ADGRL2: variants seen among roughly 807,000 people sequenced by gnomAD.
ADGRL2 encodes adhesion G protein-coupled receptor L2.
ADGRL2 carries 44 observed loss-of-function variants against 157.4 expected under a neutral mutation model. The ratio of observed to expected loss-of-function variants is 0.28; its 90% CI spans 0.22 to 0.36. The LOEUF (loss-of-function observed/expected upper bound fraction) is 0.36. ADGRL2 is among the 10% of genes least tolerant of loss of function. ADGRL2 has a pLI of 1.00. For synonymous variants in ADGRL2, 585 were observed against 624.7 expected, an observed-to-expected ratio of 0.94 and a Z score of 0.95; for missense variants, 1,510 against 1,768.9, an observed-to-expected ratio of 0.85 and a Z score of 2.63.
At chr1:81,520,660 C>T (rs893295260) in intron 2 of ADGRL2, among the ~76,000 whole-genome samples, 3 of 152,154 alleles carry the variant, frequency 2.0e-5, no homozygotes, top group Non-Finnish European at 2.9e-5. Flanking sequence ...GTTAGAAGTA[C>T]CTGCTTCCCC....
chr1:81,844,112 T>A (rs1363553885), intron 2 of ADGRL2, among the ~76,000 whole-genome samples: 1 of 152,184 alleles, frequency 6.6e-6, no homozygotes, highest in Non-Finnish European at 1.5e-5. Flanking sequence ...AAATATTTAG[T>A]AAATAAATTT....
chr1:81,834,308 A>G (rs2092146807), intron 1 of ADGRL2, among the ~76,000 whole-genome samples: 1 of 152,010 alleles, frequency 6.6e-6, no homozygotes, highest in African/African-American at 2.4e-5. Flanking sequence ...AATTTAATAG[A>G]CCTTTTCTGG....
At chr1:81,332,227 G>A (rs1044364408) in intron 1 of ADGRL2, among the ~76,000 whole-genome samples, 1 of 152,022 alleles carries the variant, frequency 6.6e-6, no homozygotes, top group Non-Finnish European at 1.5e-5. Context: ...AATATCACAG[G>A]AGTAATCAAA....
chr1:81,790,071 C>T (rs2087258665), intron 2 of ADGRL2, among the ~76,000 whole-genome samples: 1 of 152,122 alleles, frequency 6.6e-6, no homozygotes, highest in South Asian at 2.1e-4. Context: ...CCTGTTGATT[C>T]CAATTTCTGA....
At chr1:81,355,979 G>A (rs1557623076) in intron 1 of ADGRL2, among the ~76,000 whole-genome samples, 1 of 151,990 alleles carries the variant, frequency 6.6e-6, no homozygotes, top group Admixed American at 6.6e-5. Context: ...TTTCCTCCTG[G>A]TATTATTTTT....
chr1:81,809,070 C>A (rs1250597954), intron 1 of ADGRL2, among the ~76,000 whole-genome samples: 2 of 152,018 alleles, frequency 1.3e-5, no homozygotes, highest in Non-Finnish European at 2.9e-5. Context: ...TTAATCACGA[C>A]CTGACAAGAA....
intron 3 of ADGRL2, among the ~76,000 whole-genome samples, chr1:81,914,624 G>A (rs3790908): frequency 0.15 from 22,562 of 152,028 alleles, 2,699 homozygotes; most frequent in East Asian, 0.63. Flanking sequence ...TACATACGGG[G>A]GAAATGAAAT....
chr1:81,817,981 T>G (rs11810564), intron 1 of ADGRL2, among the ~76,000 whole-genome samples: 6,288 of 151,720 alleles, frequency 0.041, 397 homozygotes, highest in African/African-American at 0.13. Context: ...CTGGGTAACA[T>G]AGCAAGACCC....
chr1:81,666,589 C>G (rs1369993293), intron 3 of ADGRL2, among the ~76,000 whole-genome samples: 1 of 152,170 alleles, frequency 6.6e-6, no homozygotes, highest in African/African-American at 2.4e-5. Flanking sequence ...AAGAATTTCT[C>G]TCTCTAAGGG....
chr1:81,670,224 C>T (rs1360227819), intron 3 of ADGRL2, among the ~76,000 whole-genome samples: 3 of 152,260 alleles, frequency 2.0e-5, no homozygotes, highest in Non-Finnish European at 4.4e-5. Context: ...AGCTTATTTT[C>T]ACGTGATTCT....
chr1:81,809,595 A>G (rs2089602273), intron 1 of ADGRL2, among the ~76,000 whole-genome samples: 1 of 152,030 alleles, frequency 6.6e-6, no homozygotes. Flanking sequence ...ATCTTCAGCC[A>G]TCATACTAGC....
At chr1:81,839,545 C>T (rs188042738) in intron 2 of ADGRL2, among the ~76,000 whole-genome samples, 1 of 151,760 alleles carries the variant, frequency 6.6e-6, no homozygotes, top group Non-Finnish European at 1.5e-5. Flanking sequence ...TACTGTTCCC[C>T]CCAAGTCCCC....
chr1:81,350,115 G>A (rs1662776693), intron 1 of ADGRL2, among the ~76,000 whole-genome samples: 1 of 152,006 alleles, frequency 6.6e-6, no homozygotes, highest in South Asian at 2.1e-4. Flanking sequence ...AGATTTACCT[G>A]TGTTTAAGAG....
chr1:81,981,567 G>T (rs757784772), intron 18 of ADGRL2, among the ~76,000 whole-genome samples: 4 of 151,910 alleles, frequency 2.6e-5, no homozygotes, highest in Non-Finnish European at 5.9e-5. Flanking sequence ...ATATAGTTTT[G>T]ATACTTTGTT....
chr1:81,669,415 T>C (rs1316490698), intron 3 of ADGRL2, among the ~76,000 whole-genome samples: 1 of 151,946 alleles, frequency 6.6e-6, no homozygotes, highest in East Asian at 1.9e-4. Context: ...CAAGACTCCA[T>C]CTCTAAAAAC....
intron 1 of ADGRL2, among the ~76,000 whole-genome samples, chr1:81,439,040 G>C (rs72940925): frequency 0.023 from 3,572 of 152,110 alleles, 69 homozygotes; most frequent in African/African-American, 0.042. Flanking sequence ...CCCTTTACCT[G>C]CCGTAAAACT....
At chr1:81,483,355 A>C (rs2078431514) in intron 2 of ADGRL2, among the ~76,000 whole-genome samples, 1 of 152,230 alleles carries the variant, frequency 6.6e-6, no homozygotes, top group African/African-American at 2.4e-5. Context: ...TGAAGCAATC[A>C]AGATGAATGC....
chr1:81,350,346 T>G (rs530412939), intron 1 of ADGRL2, among the ~76,000 whole-genome samples: 2 of 152,318 alleles, frequency 1.3e-5, no homozygotes, highest in Non-Finnish European at 2.9e-5. Context: ...CTCATAACAC[T>G]GTAGAGTGAG....
intron 1 of ADGRL2, among the ~76,000 whole-genome samples, chr1:81,394,370 G>A (rs2076615541): frequency 1.3e-5 from 2 of 151,888 alleles, no homozygotes; most frequent in African/African-American, 2.4e-5. Flanking sequence ...CCCTCCTCCT[G>A]TACCCTTCCC....
Sources: allele counts gnomAD v4.1 joint callset (sites outside exome capture counted in the v4.1 genomes callset), GRCh38; gene constraint gnomAD v4.1.1; transcripts MANE v1.5; gene names NCBI Gene and HGNC (gene_info 2026-07-23, HGNC 2026-07-21).